The following SLCO1B3 variants were observed in gnomAD, a reference collection of about 807,000 sequenced individuals.
The protein encoded by SLCO1B3 is solute carrier organic anion transporter family member 1B3, also known as liver-specific organic anion transporter 2.
Under a neutral mutation model 71.8 loss-of-function variants are expected in SLCO1B3, and 72 were observed. That is an observed-to-expected ratio of 1.00 (90% CI 0.83 to 1.22). SLCO1B3 has a LOEUF of 1.22. SLCO1B3 is among the 50% of genes most tolerant of loss of function. The pLI is 0.00. For synonymous variants in SLCO1B3, 298 were observed against 278.4 expected (o/e 1.07, Z -0.70); for missense variants, 911 against 819.7 (o/e 1.11, Z -1.36).
chr12:20,899,142 G>T (rs1239760722), intron 14 of SLCO1B3, among the ~76,000 whole-genome samples: 1 of 152,206 alleles, frequency 6.6e-6, no homozygotes, highest in African/African-American at 2.4e-5. Context: ...AGAGGCTAAA[G>T]GCCTATTTCT....
chr12:20,906,465 A>AT (rs1317962056), intron 15 of SLCO1B3, among the ~76,000 whole-genome samples: 1 of 152,190 alleles, frequency 6.6e-6, no homozygotes, highest in Non-Finnish European at 1.5e-5. Flanking sequence ...ACTTTACAAC[A>AT]TAAAAAGTGA....
At chr12:20,845,232 T>G (rs4509820) in intron 3 of SLCO1B3, 2 of 439,602 alleles carry the variant, frequency 4.5e-6, no homozygotes, top group East Asian at 6.8e-5. Context: ...TGGTCTTGTA[T>G]GATTCTACCA....
chr12:20,910,238 G>T (rs1866346781), intron 15 of SLCO1B3, among the ~76,000 whole-genome samples: 1 of 152,080 alleles, frequency 6.6e-6, no homozygotes, highest in African/African-American at 2.4e-5. Context: ...GTACCTTTAT[G>T]TTTTTCTACA....
At chr12:20,875,558 A>T in intron 9 of SLCO1B3, 81 bp downstream of exon 9, 1 of 1,387,744 alleles carries the variant, frequency 7.2e-7, no homozygotes, top group Non-Finnish European at 9.8e-7. Flanking sequence ...AATAAAGCAT[A>T]CTCAAATCAT....
chr12:20,894,995 A>T (rs1476656279), intron 13 of SLCO1B3, among the ~76,000 whole-genome samples: 1 of 152,146 alleles, frequency 6.6e-6, no homozygotes, highest in African/African-American at 2.4e-5. Flanking sequence ...AGGCAAAGGG[A>T]GCTTGTGCAG....
intron 1 of SLCO1B3, among the ~76,000 whole-genome samples, chr12:20,812,150 G>T (rs1350713132): frequency 6.6e-6 from 1 of 152,012 alleles, no homozygotes; most frequent in Admixed American, 6.6e-5. Flanking sequence ...CAGGTGATCT[G>T]CCCGCCTCGG....
Position 20,819,247 on chromosome 12 carries a change from AG to A in SLCO1B3, c.84+3427del, listed in dbSNP as rs367960442. Among the ~76,000 whole-genome samples, 163 of 152,200 alleles carry A rather than the reference AG, an allele frequency of 1.1e-3. 4 individuals carry two copies. In the South Asian group the frequency reaches 0.033, roughly 31 times the overall value. ...GGAGTTGTTGTTTTGTAAGGGATTG[AG>A]GTTTGGGAGATTAATCGGACACGAT... On this transcript the variant is annotated intron_variant, in intron 3 of 15. Coordinates refer to ENST00000381545, the MANE Select transcript of SLCO1B3 (RefSeq NM_019844.4).
chr12:20,862,755 G>A lies in SLCO1B3; in HGVS notation c.629-1G>A, dbSNP rs748202444. On this transcript the variant is annotated splice_acceptor_variant, in intron 7 of 15. Transcript: ENST00000381545. LOFTEE classifies it high-confidence loss of function. ...ATTAAATTGTTTTGTAATACTTACA[G>A]GTAGTTTGAATGCAATAGGAATGAT... 1.1e-5 allele frequency: 17 copies of A among 1,602,446 alleles called. No individual in the cohort carries two copies. In the South Asian group the frequency reaches 1.7e-4, roughly 16 times the overall value.
chr12:20,860,599 T>TGTGTGTGTGTGTGTG lies in SLCO1B3; in HGVS notation c.360-418_360-417insGTGTGTGTGTGTGTG, dbSNP rs1555156228. Among the ~76,000 whole-genome samples, 598 of 146,710 alleles carry TGTGTGTGTGTGTGTG rather than the reference T, an allele frequency of 4.1e-3. 5 individuals are homozygous for TGTGTGTGTGTGTGTG. The highest frequency in any genetic ancestry group is 0.014 in the African/African-American group (547 of 39,622). ...ATTGAGTTTTGAAAAGTCAAGCACT[T>TGTGTGTGTGTGTGTG]TGTGTGTGTGTGTGTGTGTGTGTGT... On this transcript the variant is annotated intron_variant, in intron 5 of 15. Coordinates refer to ENST00000381545, the MANE Select transcript of SLCO1B3 (RefSeq NM_019844.4).
At chr12:20,885,736 AGT>A (rs1056743556) in intron 13 of SLCO1B3, among the ~76,000 whole-genome samples, 3 of 151,880 alleles carry the variant, frequency 2.0e-5, no homozygotes, top group Non-Finnish European at 4.4e-5. Flanking sequence ...GTTAGAAAAA[AGT>A]GTGTGAGGAA....
At chr12:20,819,981 C>T (rs1237811878) in intron 3 of SLCO1B3, among the ~76,000 whole-genome samples, 1 of 151,780 alleles carries the variant, frequency 6.6e-6, no homozygotes, top group Non-Finnish European at 1.5e-5. Context: ...AATATCTCGG[C>T]CTAATAAGGG....
chr12:20,862,904 A>G, intron 8 of SLCO1B3, 50 bp downstream of exon 8: 1 of 962,058 alleles, frequency 1.0e-6, no homozygotes, highest in Non-Finnish European at 1.6e-6. Context: ...TAAGTGCAGG[A>G]CACCATTCTT....
At chr12:20,863,563 A>C (rs1418916749) in intron 8 of SLCO1B3, among the ~76,000 whole-genome samples, 1 of 152,126 alleles carries the variant, frequency 6.6e-6, no homozygotes, top group Non-Finnish European at 1.5e-5. Flanking sequence ...AAAAGTATTT[A>C]TCTTTAGCTA....
intron 8 of SLCO1B3, among the ~76,000 whole-genome samples, chr12:20,870,516 A>G (rs558054721): frequency 6.6e-6 from 1 of 152,282 alleles, no homozygotes; most frequent in South Asian, 2.1e-4. Context: ...TTCAGTATAT[A>G]TATGATAAGG....
chr12:20,897,730 C>T (rs1459279269), intron 13 of SLCO1B3, among the ~76,000 whole-genome samples: 1 of 152,168 alleles, frequency 6.6e-6, no homozygotes, highest in Admixed American at 6.5e-5. Context: ...CAGTCATCCA[C>T]CTCATCCCAG....
intron 13 of SLCO1B3, among the ~76,000 whole-genome samples, chr12:20,891,900 T>C (rs969391285): frequency 2.6e-5 from 4 of 152,080 alleles, no homozygotes; most frequent in Non-Finnish European, 2.9e-5. Context: ...ATAAAATCTT[T>C]CTCTTCTTTT....
Position 20,880,727 on chromosome 12 carries a change from C to A in SLCO1B3, c.1332-128C>A. ...TAAAGGAAAACCCTTTCTCTTATTT[C>A]TCTTCTCTTTTCCTCTTCTCTTCCT... On this transcript the variant is annotated intron_variant, in intron 11 of 15. Transcript: ENST00000381545. 3 of 573,162 alleles carry A rather than the reference C, an allele frequency of 5.2e-6. No homozygotes were observed. The South Asian group carries it at 1.3e-4, about 24-fold the overall frequency. The allele number at this position is 573,162 out of a possible 1,614,324, so 35.5% of individuals were successfully genotyped here. A position where few individuals can be genotyped will look rare whatever the true frequency, so the allele number is the denominator to read the frequency against.
intron 8 of SLCO1B3, among the ~76,000 whole-genome samples, chr12:20,867,776 A>G (rs972494003): frequency 1.3e-5 from 2 of 152,208 alleles, no homozygotes; most frequent in East Asian, 1.9e-4. Context: ...AACAAAGTCA[A>G]ATAGAAATTA....
intron 13 of SLCO1B3, 101 bp downstream of exon 13, chr12:20,883,703 C>A: frequency 1.3e-6 from 1 of 752,140 alleles, no homozygotes; most frequent in South Asian, 2.0e-5. Flanking sequence ...CATATTTTGT[C>A]AATTTTTAAT....
Sources: allele counts gnomAD v4.1 joint callset (sites outside exome capture counted in the v4.1 genomes callset), GRCh38; gene constraint gnomAD v4.1.1; transcripts MANE v1.5; gene names NCBI Gene and HGNC (gene_info 2026-07-23, HGNC 2026-07-21).